Variants in GMDS observed in about 807,000 individuals in gnomAD.
GMDS encodes the protein GDP-mannose 4,6 dehydratase.
GMDS carries 20 observed loss-of-function variants against 49.9 expected under a neutral mutation model. The observed-to-expected ratio is 0.40, with a 90% CI of 0.28 to 0.58. The LOEUF (loss-of-function observed/expected upper bound fraction) is 0.58. Ranked by LOEUF, GMDS falls within the 20% of genes least tolerant of loss-of-function variation. The pLI, the probability that GMDS is intolerant of heterozygous loss-of-function variation, is 0.42. For missense variants in GMDS, 362 were observed against 481.4 expected (o/e 0.75, Z 2.32); for synonymous variants, 177 against 178.6 (o/e 0.99, Z 0.07).
intron 4 of GMDS, among the ~76,000 whole-genome samples, chr6:2,071,130 C>T (rs920943475): frequency 6.6e-6 from 1 of 152,180 alleles, no homozygotes; most frequent in African/African-American, 2.4e-5. Flanking sequence ...ACATGAGTTG[C>T]CACCAAGCAT....
At chr6:1,815,310 A>C (rs769612403) in intron 7 of GMDS, among the ~76,000 whole-genome samples, 1 of 152,212 alleles carries the variant, frequency 6.6e-6, no homozygotes, top group Non-Finnish European at 1.5e-5. Flanking sequence ...ATTATATGCA[A>C]ATGTATATAA....
At chr6:1,787,013 C>T (rs549301593) in intron 7 of GMDS, among the ~76,000 whole-genome samples, 9 of 152,248 alleles carry the variant, frequency 5.9e-5, no homozygotes, top group African/African-American at 1.7e-4. Context: ...AGCTCAGCCC[C>T]GCAGCCACTC....
chr6:1,694,636 C>T (rs1419809491), intron 9 of GMDS, among the ~76,000 whole-genome samples: 1 of 152,152 alleles, frequency 6.6e-6, no homozygotes, highest in Non-Finnish European at 1.5e-5. Flanking sequence ...CCTAGGTGCT[C>T]CCTAGGAGTT....
chr6:1,902,124 G>A (rs1233617512), intron 7 of GMDS, among the ~76,000 whole-genome samples: 5 of 152,310 alleles, frequency 3.3e-5, no homozygotes, highest in Admixed American at 6.5e-5. Flanking sequence ...AATTAATTCT[G>A]CACATTGAGA....
intron 4 of GMDS, among the ~76,000 whole-genome samples, chr6:1,988,458 C>T (rs1765699429): frequency 6.6e-6 from 1 of 152,140 alleles, no homozygotes; most frequent in Non-Finnish European, 1.5e-5. Context: ...AGAGCTCCTT[C>T]TTGGCGGTGG....
intron 7 of GMDS, among the ~76,000 whole-genome samples, chr6:1,893,010 A>G (rs904201927): frequency 2.6e-5 from 4 of 152,082 alleles, no homozygotes; most frequent in Admixed American, 6.6e-5. Flanking sequence ...CAGGGCCAGG[A>G]AGAGAAGTCC....
At chr6:1,880,973 ATCC>A (rs1581298592) in intron 7 of GMDS, among the ~76,000 whole-genome samples, 2 of 152,226 alleles carry the variant, frequency 1.3e-5, no homozygotes, top group East Asian at 3.8e-4. Flanking sequence ...TAAAGTAGAA[ATCC>A]AGGATAAAGA....
chr6:1,658,750 A>G lies in GMDS; in HGVS notation c.988-34210T>C, dbSNP rs761037198. On this transcript the variant is annotated intron_variant, in intron 9 of 10. Coordinates refer to ENST00000380815, the MANE Select transcript of GMDS (RefSeq NM_001500.4). ...TTAGCTCGGCTTTCTGCTCACAGAC[A>G]GGAACTGAGGCACACGCTTGGGAAG... is the stretch of plus-strand genomic sequence containing the variant. Among the ~76,000 whole-genome samples the G allele has an allele frequency of 2.8e-4, 42 of 152,284 alleles. 1 individual carries two copies. Among genetic ancestry groups the G allele is most frequent in the Middle Eastern group, 3.2e-3 (1 of 316 alleles).
chr6:1,760,529 G>A (rs1052978377), intron 7 of GMDS, among the ~76,000 whole-genome samples: 2 of 152,160 alleles, frequency 1.3e-5, no homozygotes, highest in African/African-American at 4.8e-5. Flanking sequence ...GTCCTCATGA[G>A]GGTGTCATCA....
At chr6:2,215,200 G>A (rs1033577223) in intron 1 of GMDS, among the ~76,000 whole-genome samples, 1 of 152,170 alleles carries the variant, frequency 6.6e-6, no homozygotes, top group Non-Finnish European at 1.5e-5. Flanking sequence ...AAGAGAGGAT[G>A]GGGAAGGGAG....
intron 7 of GMDS, among the ~76,000 whole-genome samples, chr6:1,849,496 A>C (rs548681638): frequency 6.6e-6 from 1 of 152,294 alleles, no homozygotes; most frequent in East Asian, 1.9e-4. Context: ...CAGCACTGTT[A>C]TTTCTTTTTA....
At chr6:2,166,414 TATC>T (rs1562113880) in intron 1 of GMDS, among the ~76,000 whole-genome samples, 1 of 152,208 alleles carries the variant, frequency 6.6e-6, no homozygotes, top group African/African-American at 2.4e-5. Flanking sequence ...ATATTACAAT[TATC>T]TCTTGTAGTT....
chr6:1,995,372 C>T (rs62390706), intron 4 of GMDS, among the ~76,000 whole-genome samples: 28,142 of 152,064 alleles, frequency 0.19, 3,084 homozygotes, highest in Non-Finnish European at 0.23. Context: ...AACCAGTGCA[C>T]GGGCTCTACC....
At chr6:1,732,643 A>C (rs1469229032) in intron 8 of GMDS, among the ~76,000 whole-genome samples, 1 of 152,236 alleles carries the variant, frequency 6.6e-6, no homozygotes, top group South Asian at 2.1e-4. Context: ...ACAAATAATT[A>C]TCTTTAAATA....
chr6:1,671,419 G>A (rs1002304976), intron 9 of GMDS, among the ~76,000 whole-genome samples: 27 of 152,118 alleles, frequency 1.8e-4, no homozygotes, highest in African/African-American at 6.5e-4. Flanking sequence ...TTGGGATCAA[G>A]CCAAAAACAA....
At chr6:1,734,985 C>T (rs1411904961) in intron 8 of GMDS, among the ~76,000 whole-genome samples, 1 of 152,242 alleles carries the variant, frequency 6.6e-6, no homozygotes, top group Non-Finnish European at 1.5e-5. Context: ...CACGCTACCT[C>T]GCACAGCTCA....
intron 4 of GMDS, among the ~76,000 whole-genome samples, chr6:1,973,005 A>T (rs546422046): frequency 7.2e-5 from 11 of 152,366 alleles, no homozygotes; most frequent in African/African-American, 2.6e-4. Flanking sequence ...GTCCCCTGTA[A>T]ATCAAGTGGT....
chr6:2,130,498 C>T (rs1775677175), intron 1 of GMDS, among the ~76,000 whole-genome samples: 1 of 152,214 alleles, frequency 6.6e-6, no homozygotes, highest in Non-Finnish European at 1.5e-5. Context: ...GGGCAATAGC[C>T]TCGCAAACAG....
rs13208490 is a variant in GMDS, at chr6:2,136,380, T to C, written c.103-11649A>G. On this transcript the variant is annotated intron_variant, in intron 1 of 10. Transcript: ENST00000380815. Reference sequence around the variant, plus strand: ...TATCCAAAAAATCATTTTCCTTTAATTTTCACAAGTACATTGACAAAACTG... The same window carrying C: ...TATCCAAAAAATCATTTTCCTTTAACTTTCACAAGTACATTGACAAAACTG... 3.0e-3 allele frequency among the ~76,000 whole-genome samples: 464 copies of C among 152,332 alleles called. 1 individual carries two copies. Among genetic ancestry groups the C allele is most frequent in the Non-Finnish European group, 5.9e-3 (401 of 68,032 alleles).
Sources: allele counts gnomAD v4.1 joint callset (sites outside exome capture counted in the v4.1 genomes callset), GRCh38; gene constraint gnomAD v4.1.1; transcripts MANE v1.5; gene names NCBI Gene and HGNC (gene_info 2026-07-23, HGNC 2026-07-21).